The following PIGN variants were observed in gnomAD, a reference collection of about 807,000 sequenced individuals.
PIGN encodes GPI ethanolamine phosphate transferase 1.
PIGN carries 117 observed loss-of-function variants against 125.4 expected under a neutral mutation model. That is an observed-to-expected ratio of 0.93 (90% CI 0.80 to 1.09). PIGN has a LOEUF of 1.09. PIGN is among the 50% of genes least tolerant of loss of function. The pLI, the probability that PIGN is intolerant of heterozygous loss-of-function variation, is 0.00. For missense variants in PIGN, 1,075 were observed against 1,094.9 expected (o/e 0.98, Z 0.26); for synonymous variants, 392 against 377.8 (o/e 1.04, Z -0.44).
At chr18:62,107,235 G>T in intron 17 of PIGN, 150 bp from the exon 18 acceptor site, 4 of 613,434 alleles carry the variant, frequency 6.5e-6, no homozygotes, top group South Asian at 2.2e-5. Flanking sequence ...TTGTTTCAAG[G>T]GCTTTATTTA....
At chr18:62,183,559 A>T (rs1254583849) in intron 1 of PIGN, among the ~76,000 whole-genome samples, 2 of 152,244 alleles carry the variant, frequency 1.3e-5, no homozygotes, top group Non-Finnish European at 2.9e-5. Flanking sequence ...AGGTGAAGTC[A>T]GAAACGAAAA....
chr18:62,125,627 C>T (rs1430346494), intron 14 of PIGN, among the ~76,000 whole-genome samples: 1 of 151,976 alleles, frequency 6.6e-6, no homozygotes, highest in Non-Finnish European at 1.5e-5. Context: ...TGATTATATA[C>T]GTGTATACTA....
intron 25 of PIGN, among the ~76,000 whole-genome samples, chr18:62,088,060 G>A (rs2033789100): frequency 6.6e-6 from 1 of 152,080 alleles, no homozygotes; most frequent in Non-Finnish European, 1.5e-5. Flanking sequence ...AGTACGTGAG[G>A]CAATCGATAT....
rs1555682938 is a variant in PIGN, at chr18:62,102,821, CT to C, written c.1940del (p.Lys647ArgfsTer12). On this transcript the variant is annotated frameshift_variant, in exon 21 of 31. Coordinates refer to ENST00000640252, the MANE Select transcript of PIGN (RefSeq NM_176787.5). LOFTEE classifies it high-confidence loss of function. ...SLMKRKDSFI[K>X]EELLVHLLQV... ...GTAACAGATGTACCAATAGCTCTTCCTTTATAAAGCTATCTTTTCTTTTCAT... is the reference window on the plus strand; with the variant it reads ...GTAACAGATGTACCAATAGCTCTTCCTTATAAAGCTATCTTTTCTTTTCAT... The C allele has an allele frequency of 1.3e-6, 2 of 1,558,086 alleles. No individual in the cohort carries two copies. The highest frequency in any genetic ancestry group is 1.9e-5 in the Admixed American group (1 of 53,584).
intron 14 of PIGN, among the ~76,000 whole-genome samples, chr18:62,119,892 A>T: frequency 6.6e-6 from 1 of 151,914 alleles, no homozygotes; most frequent in Non-Finnish European, 1.5e-5. Context: ...AAAAGAAAAT[A>T]CCTTGCCTGA....
At chr18:62,019,785 A>G (rs555575996) in intron 23 of PIGN, among the ~76,000 whole-genome samples, 1 of 152,382 alleles carries the variant, frequency 6.6e-6, no homozygotes, top group African/African-American at 2.4e-5. Context: ...ATAACACTGG[A>G]CAAAATATAT....
chr18:62,094,364 T>A (rs772821406), intron 23 of PIGN, among the ~76,000 whole-genome samples: 13 of 152,168 alleles, frequency 8.5e-5, no homozygotes, highest in Non-Finnish European at 7.4e-5. Context: ...ATTAAGAGAC[T>A]GTACAGAATT....
intron 23 of PIGN, among the ~76,000 whole-genome samples, chr18:62,019,175 C>T (rs1031552348): frequency 6.6e-6 from 1 of 152,138 alleles, no homozygotes; most frequent in Admixed American, 6.5e-5. Flanking sequence ...TACCACTGCA[C>T]TCCAAACAAA....
At chr18:62,184,899 G>T (rs1599713205) in intron 1 of PIGN, among the ~76,000 whole-genome samples, 1 of 152,168 alleles carries the variant, frequency 6.6e-6, no homozygotes, top group East Asian at 1.9e-4. Flanking sequence ...CAGGCACTGG[G>T]ACAAGAACAT....
Position 62,148,356 on chromosome 18 carries a change from G to A in PIGN, c.550-18C>T. The A allele has an allele frequency of 7.0e-7, 1 of 1,428,198 alleles. No homozygotes were observed. The highest frequency in any genetic ancestry group is 2.6e-5 in the East Asian group (1 of 37,904). The allele number at this position is 1,428,198 out of a possible 1,614,324, so 88.5% of individuals were successfully genotyped here. On this transcript the variant is annotated intron_variant, in intron 7 of 30. Transcript: ENST00000640252. ...AAGAAGTCCTACATATAACAAATGA[G>A]TTAAAAATATTTAGTTCATTTGTTT...
chr18:62,102,349 T>C (rs2034478766), intron 21 of PIGN, among the ~76,000 whole-genome samples: 1 of 149,426 alleles, frequency 6.7e-6, no homozygotes, highest in Non-Finnish European at 1.5e-5. Context: ...AGTTCAAAGT[T>C]ATTTTCACCA....
chr18:62,056,774 G>C (rs552086660), intron 30 of PIGN: 1 of 152,242 alleles, frequency 6.6e-6, no homozygotes, highest in Non-Finnish European at 1.5e-5. Context: ...GAGCGGCGGG[G>C]AAGTGAGCGA....
intron 14 of PIGN, among the ~76,000 whole-genome samples, chr18:62,128,289 G>A (rs2035610206): frequency 6.6e-6 from 1 of 152,140 alleles, no homozygotes; most frequent in Non-Finnish European, 1.5e-5. Context: ...GTGACAAACT[G>A]AGGACTTTCA....
At chr18:62,056,866 T>C (rs1276986525) in intron 30 of PIGN, 1 of 152,276 alleles carries the variant, frequency 6.6e-6, no homozygotes, top group Non-Finnish European at 1.5e-5. Flanking sequence ...GTGGCGGCAT[T>C]AGATTCTCAC....
At chr18:62,110,541 G>A (rs1224271253) in intron 16 of PIGN, among the ~76,000 whole-genome samples, 1 of 152,106 alleles carries the variant, frequency 6.6e-6, no homozygotes, top group Non-Finnish European at 1.5e-5. Flanking sequence ...GTAAAGGTCA[G>A]GGACTTTAAG....
chr18:62,098,040 C>T (rs924450937), intron 22 of PIGN, among the ~76,000 whole-genome samples: 2 of 152,144 alleles, frequency 1.3e-5, no homozygotes, highest in Non-Finnish European at 1.5e-5. Flanking sequence ...ATTAACTGAT[C>T]CAAGCAGAAA....
Position 62,127,743 on chromosome 18 carries a change from C to T in PIGN, c.1172+10500G>A, listed in dbSNP as rs563666773. Among the ~76,000 whole-genome samples the T allele has an allele frequency of 9.2e-5, 14 of 151,978 alleles. No individual in the cohort carries two copies. The South Asian group carries it at 1.5e-3, about 16-fold the overall frequency. Reference sequence around the variant, plus strand: ...TATTGCTTCTTCACCCAGACTGGAACGCAGTGGTGTGACTGAGGTTCGCTG... The same window carrying T: ...TATTGCTTCTTCACCCAGACTGGAATGCAGTGGTGTGACTGAGGTTCGCTG... On this transcript the variant is annotated intron_variant, in intron 14 of 30. Coordinates refer to ENST00000640252, the MANE Select transcript of PIGN (RefSeq NM_176787.5).
intron 20 of PIGN, among the ~76,000 whole-genome samples, chr18:62,104,874 T>C (rs17714202): frequency 0.17 from 25,964 of 152,164 alleles, 2,943 homozygotes; most frequent in Middle Eastern, 0.29. Context: ...AATGATCATA[T>C]GCACACTCAA....
chr18:62,036,859 G>A (rs1045034801), downstream of PIGN, among the ~76,000 whole-genome samples: 7 of 152,166 alleles, frequency 4.6e-5, no homozygotes, highest in African/African-American at 7.2e-5. Context: ...CCTGGGACAC[G>A]TGAGGGATTT....
Sources: allele counts gnomAD v4.1 joint callset (sites outside exome capture counted in the v4.1 genomes callset), GRCh38; gene constraint gnomAD v4.1.1; transcripts MANE v1.5; gene names NCBI Gene and HGNC (gene_info 2026-07-23, HGNC 2026-07-21).